The following NBPF20 variants were observed in gnomAD, a reference collection of about 807,000 sequenced individuals.
NBPF20 encodes NBPF family member NBPF20.
Under a neutral mutation model 68.1 loss-of-function variants are expected in NBPF20, and 90 were observed. The ratio of observed to expected loss-of-function variants is 1.32; its 90% CI spans 1.11 to 1.58. NBPF20 has a LOEUF of 1.58. Ranked by LOEUF, NBPF20 falls within the 40% of genes most tolerant of loss-of-function variation. The pLI is 0.00. For synonymous variants in NBPF20, 290 were observed against 228.1 expected (o/e 1.27, Z -2.45); for missense variants, 816 against 601.2 (o/e 1.36, Z -3.74).
the NBPF20 span, among the ~76,000 whole-genome samples, chr1:145,423,041 G>GA: frequency 7.1e-6 from 1 of 140,230 alleles, no homozygotes; most frequent in Non-Finnish European, 1.5e-5. Flanking sequence ...GGTTAACACA[G>GA]AAAAATGTGT....
intron 10 of NBPF20, among the ~76,000 whole-genome samples, chr1:145,392,774 C>A (rs1276349008): frequency 1.1e-5 from 1 of 87,918 alleles, no homozygotes; most frequent in Non-Finnish European, 2.0e-5. Context: ...ACAAGATCTA[C>A]AAAATTGAGA....
chr1:145,419,526 C>T, the NBPF20 span, among the ~76,000 whole-genome samples: 7 of 152,122 alleles, frequency 4.6e-5, no homozygotes, highest in South Asian at 2.1e-4. Context: ...AACACCAGGC[C>T]GCAACCTTTC....
the NBPF20 span, among the ~76,000 whole-genome samples, chr1:145,425,600 C>A: frequency 5.9e-5 from 9 of 152,228 alleles, no homozygotes; most frequent in African/African-American, 4.8e-5. Context: ...TCGCCGGGCG[C>A]GTCAAGAGAG....
At position 145,311,867 on chromosome 1, in the gene NBPF20, G is replaced by T. The variant is rs1312902613; in HGVS notation, c.13660+341C>A. Among the ~76,000 whole-genome samples, 5 of 112,204 alleles carry T rather than the reference G, an allele frequency of 4.5e-5. 1 individual carries two copies. The highest frequency in any genetic ancestry group is 2.8e-4 in the South Asian group (1 of 3,628). 73.6% of individuals were successfully genotyped at this position (112,204 alleles called of 152,430 possible). A position where few individuals can be genotyped will look rare whatever the true frequency, so the allele number is the denominator to read the frequency against. ...ATTGTTCACGGTAGCGAGGATTTTA[G>T]ATGCTGAAATTAGAGTGAAGGATGA... On this transcript the variant is annotated intron_variant, in intron 112 of 137. Transcript: ENST00000369373.
chr1:145,409,367 C>T (rs1289623083), upstream of NBPF20, among the ~76,000 whole-genome samples: 14 of 147,942 alleles, frequency 9.5e-5, no homozygotes, highest in South Asian at 2.8e-3. Context: ...CCAGGTCTCA[C>T]TAACACAGGC....
chr1:145,291,882 C>A (rs1325952350), intron 137 of NBPF20, 113 bp from the exon 143 acceptor site: 18 of 1,588,278 alleles, frequency 1.1e-5, no homozygotes, highest in African/African-American at 5.5e-5. Flanking sequence ...AAGGATAGAT[C>A]CATTAATGAG....
exon 138 of NBPF20, chr1:145,290,027 G>A (rs1207001405): frequency 6.7e-6 from 1 of 148,636 alleles, no homozygotes; most frequent in African/African-American, 2.6e-5. Context: ...GGTTTTAATT[G>A]TATAGATTAA....
rs1375353719 is a variant in NBPF20, at chr1:145,393,955, G to T, written c.992-20C>A. 2.5e-5 allele frequency: 32 copies of T among 1,268,852 alleles called. No individual in the cohort carries two copies. In the Admixed American group the frequency reaches 3.4e-4, roughly 13 times the overall value. 78.6% of individuals were successfully genotyped at this position (1,268,852 alleles called of 1,614,324 possible). ...GATGTCCTGCAAATAAATTCAGATG[G>T]GCCCTCTTACATTAAGCAGTTCTTC... On this transcript the variant is annotated intron_variant, in intron 8 of 137. Coordinates refer to ENST00000369373, the Ensembl canonical transcript of NBPF20.
intron 112 of NBPF20, among the ~76,000 whole-genome samples, chr1:145,311,983 G>A (rs1220006517): frequency 1.3e-5 from 1 of 79,570 alleles, no homozygotes; most frequent in Non-Finnish European, 2.3e-5. Flanking sequence ...GTAGGATTAG[G>A]GCGCCACAGG....
exon 3 of NBPF20, chr1:145,403,301 C>A: frequency 1.2e-6 from 2 of 1,608,060 alleles, no homozygotes; most frequent in South Asian, 1.1e-5. Flanking sequence ...TTTATGAGGT[C>A]TTTGCACTCT....
At chr1:145,407,508 TAC>T (rs1380594971), upstream of NBPF20, among the ~76,000 whole-genome samples, 4 of 146,518 alleles carry the variant, frequency 2.7e-5, no homozygotes, top group East Asian at 3.9e-4. Context: ...ATAATATATA[TAC>T]GTGTATATAC....
rs587637347 is a variant in NBPF20 at position 145,292,285 on chromosome 1, G to A, written c.16697+96C>T. On this transcript the variant is annotated intron_variant, in intron 137 of 137. Transcript: ENST00000369373. ...TGACAGTAGGAGTAATTCAGCCTTC[G>A]TTGAAAACATGACATCAAACACACT... is the stretch of plus-strand genomic sequence containing the variant. 73 of 608,024 alleles carry A rather than the reference G, an allele frequency of 1.2e-4. 4 individuals are homozygous for A. The highest frequency in any genetic ancestry group is 9.6e-4 in the African/African-American group (47 of 48,858). 37.7% of individuals were successfully genotyped at this position (608,024 alleles called of 1,614,324 possible). A position where few individuals can be genotyped will look rare whatever the true frequency, so the allele number is the denominator to read the frequency against.
chr1:145,405,258 G>A (rs782324709), exon 2 of NBPF20: 178 of 1,608,866 alleles, frequency 1.1e-4, no homozygotes, highest in Middle Eastern at 2.2e-4. Context: ...ACCAAGGGCC[G>A]GCTGATACCA....
chr1:145,403,022 G>C (rs1224167865), intron 3 of NBPF20, among the ~76,000 whole-genome samples, 194 bp downstream of exon 8: 14 of 151,930 alleles, frequency 9.2e-5, no homozygotes, highest in Admixed American at 2.0e-4. Flanking sequence ...ACAAGGCTCT[G>C]AGAAACAACT....
At chr1:145,394,981 C>T in exon 8 of NBPF20, 1 of 1,611,984 alleles carries the variant, frequency 6.2e-7, no homozygotes, top group East Asian at 2.2e-5. Context: ...TACTCACTGC[C>T]TATGTCAACA....
exon 138 of NBPF20, chr1:145,291,498 T>G: frequency 6.2e-7 from 1 of 1,612,042 alleles, no homozygotes; most frequent in Non-Finnish European, 8.5e-7. Flanking sequence ...CCTGCAGGAA[T>G]GACATCTCTC....
At chr1:145,393,862 C>T (rs1553662970) in intron 9 of NBPF20, 22 bp downstream of exon 14, 2 of 1,545,384 alleles carry the variant, frequency 1.3e-6, no homozygotes, top group South Asian at 1.1e-5. Context: ...CAAATTAACT[C>T]TCCACAATTT....
At chr1:145,400,667 G>T in intron 5 of NBPF20, 73 bp from the exon 11 acceptor site, 2 of 1,542,780 alleles carry the variant, frequency 1.3e-6, no homozygotes, top group Admixed American at 1.7e-5. Context: ...AGTCCTAGCT[G>T]GTTTTGACAG....
At chr1:145,398,602 C>T (rs1662369797) in intron 7 of NBPF20, among the ~76,000 whole-genome samples, 1 of 152,098 alleles carries the variant, frequency 6.6e-6, no homozygotes, top group East Asian at 1.9e-4. Flanking sequence ...AATTATAGCA[C>T]TAAATGCCCA....
Sources: allele counts gnomAD v4.1 joint callset (sites outside exome capture counted in the v4.1 genomes callset), GRCh38; gene constraint gnomAD v4.1.1; transcripts MANE v1.5; gene names NCBI Gene and HGNC (gene_info 2026-07-23, HGNC 2026-07-21).